The following EIPR1 variants were observed in gnomAD, a reference collection of about 807,000 sequenced individuals.
EIPR1 encodes the protein EARP complex and GARP complex interacting protein 1.
EIPR1 carries 25 observed loss-of-function variants against 48.1 expected under a neutral mutation model. That is an observed-to-expected ratio of 0.52 (90% CI 0.38 to 0.73). The LOEUF (loss-of-function observed/expected upper bound fraction) is 0.73, where lower values mean the gene tolerates loss of function less well. Ranked by LOEUF, EIPR1 falls within the 30% of genes least tolerant of loss-of-function variation. The pLI is 0.00. For synonymous variants in EIPR1, 204 were observed against 201.9 expected, an observed-to-expected ratio of 1.01 and a Z score of -0.09; for missense variants, 415 against 506.2, an observed-to-expected ratio of 0.82 and a Z score of 1.73.
rs566726851 is a variant in EIPR1, at chr2:3,319,455, C to T, written c.259+18562G>A. The T allele has an allele frequency of 3.0e-4, 49 of 165,872 alleles. 1 individual carries two copies. Among genetic ancestry groups the T allele is most frequent in the Admixed American group, 4.1e-4 (7 of 17,258 alleles). 10.3% of individuals were successfully genotyped at this position (165,872 alleles called of 1,614,324 possible). On this transcript the variant is annotated intron_variant, in intron 3 of 8. Transcript: ENST00000382125. ...TTGTCATCATCTTCACGGTCATCTT[C>T]GTTATCCCGTTACCTCATGTATAAA...
chr2:3,275,854 C>T (rs760892528), intron 3 of EIPR1, among the ~76,000 whole-genome samples: 1 of 152,122 alleles, frequency 6.6e-6, no homozygotes, highest in Non-Finnish European at 1.5e-5. Flanking sequence ...ACTATACACT[C>T]AAGAAGATTA....
At chr2:3,192,639 T>C (rs1211720764) in intron 7 of EIPR1, 58 bp from the exon 8 acceptor site, 3 of 1,572,894 alleles carry the variant, frequency 1.9e-6, no homozygotes, top group South Asian at 2.3e-5. Context: ...ACACCAACAA[T>C]GGATCACACC....
At chr2:3,287,746 A>G (rs866108804) in intron 3 of EIPR1, among the ~76,000 whole-genome samples, 11 of 151,418 alleles carry the variant, frequency 7.3e-5, no homozygotes, top group African/African-American at 2.2e-4. Flanking sequence ...TAGAAAGCTC[A>G]TTCACTATGC....
At chr2:3,325,298 G>A (rs1669660484) in intron 3 of EIPR1, among the ~76,000 whole-genome samples, 1 of 152,224 alleles carries the variant, frequency 6.6e-6, no homozygotes, top group African/African-American at 2.4e-5. Context: ...GATGCTCACA[G>A]GTACAGTGGG....
At chr2:3,328,032 G>A (rs573860029) in intron 3 of EIPR1, among the ~76,000 whole-genome samples, 12 of 152,172 alleles carry the variant, frequency 7.9e-5, no homozygotes, top group South Asian at 4.1e-4. Flanking sequence ...AAGAGCTCCC[G>A]ATGTGTAGAC....
At chr2:3,273,930 G>T (rs953107870) in intron 3 of EIPR1, among the ~76,000 whole-genome samples, 1 of 152,136 alleles carries the variant, frequency 6.6e-6, no homozygotes, top group Non-Finnish European at 1.5e-5. Context: ...GCTGGATTAT[G>T]AGCAGGCAAC....
intron 4 of EIPR1, among the ~76,000 whole-genome samples, chr2:3,220,376 A>G (rs546350608): frequency 6.6e-6 from 1 of 150,854 alleles, no homozygotes; most frequent in Admixed American, 6.6e-5. Context: ...TTATAGAGTC[A>G]AGTGCACGTG....
intron 3 of EIPR1, among the ~76,000 whole-genome samples, chr2:3,268,484 C>G (rs1279837750): frequency 6.6e-6 from 1 of 152,206 alleles, no homozygotes; most frequent in African/African-American, 2.4e-5. Context: ...CCTTCCTGGG[C>G]TGTTCTTGCT....
chr2:3,327,691 CT>C (rs1401140934), intron 3 of EIPR1, among the ~76,000 whole-genome samples: 1 of 152,154 alleles, frequency 6.6e-6, no homozygotes, highest in Non-Finnish European at 1.5e-5. Context: ...AACAACAGCC[CT>C]GCTGTAAATG....
At chr2:3,220,131 G>A (rs1037807531) in intron 4 of EIPR1, among the ~76,000 whole-genome samples, 1 of 152,170 alleles carries the variant, frequency 6.6e-6, no homozygotes, top group African/African-American at 2.4e-5. Context: ...TAGCCACCCT[G>A]GTCCATGGAA....
At chr2:3,328,934 C>T (rs1318011918) in intron 3 of EIPR1, among the ~76,000 whole-genome samples, 5 of 135,976 alleles carry the variant, frequency 3.7e-5, no homozygotes, top group Admixed American at 7.1e-5. Flanking sequence ...AGCCCACCTA[C>T]CACGCTCTAA....
At chr2:3,230,802 C>A (rs893350590) in intron 4 of EIPR1, among the ~76,000 whole-genome samples, 1 of 152,066 alleles carries the variant, frequency 6.6e-6, no homozygotes, top group Non-Finnish European at 1.5e-5. Flanking sequence ...GGGCTTTGTT[C>A]TTCTTTCTCA....
chr2:3,306,914 A>G (rs1031091734), intron 3 of EIPR1, among the ~76,000 whole-genome samples: 3 of 152,124 alleles, frequency 2.0e-5, no homozygotes, highest in Non-Finnish European at 2.9e-5. Context: ...TATATTTGCT[A>G]TTTAGGATGT....
chr2:3,277,194 A>ACACCTGTCTCCACCCACACGGCCCCG (rs1269154835), intron 3 of EIPR1, among the ~76,000 whole-genome samples: 1 of 134,432 alleles, frequency 7.4e-6, no homozygotes, highest in Admixed American at 7.2e-5. Context: ...ACGCGGCCCC[A>ACACCTGTCTCCACCCACACGGCCCCG]CACCTGTCTC....
chr2:3,189,414 G>C lies in EIPR1; in HGVS notation c.1084C>G (p.Leu362Val). The C allele has an allele frequency of 6.2e-7, 1 of 1,601,610 alleles. No individual in the cohort carries two copies. Among genetic ancestry groups the C allele is most frequent in the Non-Finnish European group, 8.5e-7 (1 of 1,173,650 alleles). ...AVDWSSADPW[L>V]FASLSYDGRL... Reference sequence around the variant, plus strand: ...CCGTCATAGCTCAGGGAGGCAAACAGCCACGGGTCAGCCGAGGACCAGTCC... The same window carrying C: ...CCGTCATAGCTCAGGGAGGCAAACACCCACGGGTCAGCCGAGGACCAGTCC... Residue 362 changes from leucine to valine, a missense_variant, in exon 9 of 9, where the codon CTG becomes GTG. Transcript: ENST00000382125. This position sits in a 1 kb window ranked among gnomAD's most constrained non-coding sequence, Gnocchi z 4.6.
intron 3 of EIPR1, among the ~76,000 whole-genome samples, chr2:3,281,195 C>T (rs375299963): frequency 1.7e-4 from 26 of 152,138 alleles, no homozygotes; most frequent in African/African-American, 6.0e-4. Flanking sequence ...CACTCAACAA[C>T]TTGGAAATCA....
At chr2:3,296,006 CT>C in intron 3 of EIPR1, among the ~76,000 whole-genome samples, 1 of 109,930 alleles carries the variant, frequency 9.1e-6, no homozygotes, top group African/African-American at 3.5e-5. Context: ...CATCCTCTCT[CT>C]ACACACCCTC....
intron 2 of EIPR1, among the ~76,000 whole-genome samples, 189 bp downstream of exon 2, chr2:3,354,361 G>A (rs1391752582): frequency 6.6e-6 from 1 of 152,184 alleles, no homozygotes; most frequent in Admixed American, 6.5e-5. Flanking sequence ...TTAAATTACT[G>A]AACACAGTCG....
chr2:3,377,641 G>T lies in EIPR1; in HGVS notation c.42+7C>A. 1 of 1,571,836 alleles carries T rather than the reference G, an allele frequency of 6.4e-7. No individual in the cohort carries two copies. Among genetic ancestry groups the T allele is most frequent in the East Asian group, 2.4e-5 (1 of 42,206 alleles). On this transcript the variant is annotated splice_region_variant and intron_variant, in intron 1 of 8. Transcript: ENST00000382125. ...GAGCAGCACCTGCCGCCCTCCCAGT[G>T]ACCCACCTGGAACTCCAGCCCGTAG...
Sources: allele counts gnomAD v4.1 joint callset (sites outside exome capture counted in the v4.1 genomes callset), GRCh38; gene constraint gnomAD v4.1.1; non-coding constraint Gnocchi (gnomAD v3.1); transcripts MANE v1.5; gene names NCBI Gene and HGNC (gene_info 2026-07-23, HGNC 2026-07-21).